Variants in NLRP14 observed in about 807,000 individuals in gnomAD.
NLRP14 encodes the protein NLR family pyrin domain containing 14.
In NLRP14, 105 loss-of-function variants were observed where a neutral mutation model predicts 94.7. That is an observed-to-expected ratio of 1.11 (90% CI 0.95 to 1.30). The LOEUF is 1.30. Ranked by LOEUF, NLRP14 falls within the 50% of genes most tolerant of loss-of-function variation. The pLI is 0.00. For synonymous variants in NLRP14, 508 were observed against 459.9 expected (o/e 1.10, Z -1.34); for missense variants, 1,362 against 1,254.1 (o/e 1.09, Z -1.30).
chr11:7,060,800 G>A lies in NLRP14; in HGVS notation c.2804+736G>A, dbSNP rs575299956. Among the ~76,000 whole-genome samples the A allele has an allele frequency of 4.5e-4, 68 of 151,972 alleles. No individual in the cohort carries two copies. The East Asian group carries it at 8.7e-3, about 19-fold the overall frequency. Reference sequence around the variant, plus strand: ...TGATTGCTTTATGGACATGATTTGGGGTTTCCTTTTCACTTGATAGTATTT... The same window carrying A: ...TGATTGCTTTATGGACATGATTTGGAGTTTCCTTTTCACTTGATAGTATTT... On this transcript the variant is annotated intron_variant, in intron 9 of 11. Transcript: ENST00000299481.
chr11:7,028,791 G>T (rs528466473), intron 1 of NLRP14, among the ~76,000 whole-genome samples: 1 of 151,956 alleles, frequency 6.6e-6, no homozygotes, highest in South Asian at 2.1e-4. Flanking sequence ...CATTAATGAG[G>T]TGCTGTTGAT....
At chr11:7,064,254 G>A (rs529864436) in intron 10 of NLRP14, among the ~76,000 whole-genome samples, 1 of 152,240 alleles carries the variant, frequency 6.6e-6, no homozygotes, top group African/African-American at 2.4e-5. Context: ...TCCACATTAG[G>A]AGGTTGCTAT....
At chr11:7,057,560 G>A in intron 6 of NLRP14, 117 bp from the exon 7 acceptor site, 1 of 988,732 alleles carries the variant, frequency 1.0e-6, no homozygotes. Context: ...AGAGAAGTTG[G>A]ATTTTTCAGG....
At chr11:7,057,901 C>G in intron 7 of NLRP14, 54 bp downstream of exon 7, 1 of 1,454,590 alleles carries the variant, frequency 6.9e-7, no homozygotes, top group Non-Finnish European at 9.7e-7. Context: ...TTCTGTGTAG[C>G]TTAATTGTGA....
chr11:7,073,614 G>A (rs1852833325), downstream of NLRP14, among the ~76,000 whole-genome samples: 1 of 152,178 alleles, frequency 6.6e-6, no homozygotes, highest in African/African-American at 2.4e-5. Flanking sequence ...CTGGCCATAA[G>A]TCAGGGTTCC....
At chr11:7,080,403 T>C in the NLRP14 span, among the ~76,000 whole-genome samples, 1 of 152,230 alleles carries the variant, frequency 6.6e-6, no homozygotes, top group Non-Finnish European at 1.5e-5. Flanking sequence ...GATTCAATAA[T>C]TCATTACAAC....
intron 10 of NLRP14, among the ~76,000 whole-genome samples, chr11:7,065,015 C>T (rs186607034): frequency 4.7e-4 from 72 of 152,076 alleles, no homozygotes; most frequent in South Asian, 2.5e-3. Flanking sequence ...AGCCCTGATA[C>T]GCACTACAGC....
intron 9 of NLRP14, among the ~76,000 whole-genome samples, chr11:7,061,366 G>A (rs756162014): frequency 1.6e-4 from 25 of 152,122 alleles, no homozygotes; most frequent in African/African-American, 5.5e-4. Flanking sequence ...AACTACAGAC[G>A]TATAATTTCT....
intron 6 of NLRP14, among the ~76,000 whole-genome samples, chr11:7,051,757 G>A (rs546049919): frequency 5.6e-4 from 85 of 152,228 alleles, no homozygotes; most frequent in Admixed American, 4.4e-3. Context: ...TGAGTAGCTG[G>A]GACTACAGGC....
downstream of NLRP14, among the ~76,000 whole-genome samples, chr11:7,073,679 A>G (rs562875395): frequency 9.8e-5 from 15 of 152,354 alleles, no homozygotes; most frequent in Admixed American, 3.9e-4. Flanking sequence ...CACAGAACTC[A>G]GGGAAGTACT....
At chr11:7,044,621 A>G (rs1165634399) in intron 4 of NLRP14, among the ~76,000 whole-genome samples, 5 of 152,178 alleles carry the variant, frequency 3.3e-5, no homozygotes, top group African/African-American at 1.2e-4. Flanking sequence ...TTTTACGTAC[A>G]TTATTCTACT....
intron 1 of NLRP14, among the ~76,000 whole-genome samples, chr11:7,029,005 G>A (rs1480786740): frequency 6.6e-6 from 1 of 152,072 alleles, no homozygotes. Context: ...TTGTATTTGT[G>A]TGTGTGACTG....
rs150937278 is a variant in NLRP14 at position 7,043,902 on chromosome 11, C to T, written c.1876C>T (p.Arg626Trp). ...LVSSFCLKHC[R>W]CLRTIRLSVT... ...ATCTTCTTTCTGCCTTAAGCACTGC[C>T]GGTGTTTGCGGACCATCAGGCTGTC... Residue 626 changes from arginine (R) to tryptophan (W), a missense_variant, in exon 4 of 12, where the codon CGG (arginine) becomes TGG (tryptophan). Arg to Trp is a moderately radical substitution (Grantham distance 101, BLOSUM62 -3). Coordinates refer to ENST00000299481, the MANE Select transcript of NLRP14 (RefSeq NM_176822.4). The T allele has an allele frequency of 1.9e-4, 308 of 1,614,026 alleles. 2 individuals carry two copies. The East Asian group carries it at 6.2e-3, about 32-fold the overall frequency.
intron 5 of NLRP14, among the ~76,000 whole-genome samples, chr11:7,047,213 A>C (rs77158310): frequency 1.3e-5 from 2 of 152,238 alleles, no homozygotes; most frequent in Non-Finnish European, 2.9e-5. Context: ...AATAATGTTC[A>C]GTTTGTTGTG....
Position 7,059,910 on chromosome 11 carries a change from T to A in NLRP14, c.2650T>A (p.Phe884Ile), listed in dbSNP as rs1852588079. 1 of 1,612,150 alleles carries A rather than the reference T, an allele frequency of 6.2e-7. No individual in the cohort carries two copies. Among genetic ancestry groups the A allele is most frequent in the African/African-American group, 1.3e-5 (1 of 74,828 alleles). The change falls in exon 9 of 12, where the codon TTC becomes ATC. Residue 884 changes from phenylalanine (F) to isoleucine (I), a missense_variant. By Grantham distance (21) the Phe-to-Ile change is conservative (BLOSUM62 0). Transcript: ENST00000299481. ...LKSLVLRRCH[F>I]TSLSSEYLST... Reference sequence around the variant, plus strand: ...TTCCTGTAGGCTGAGGCGTTGCCATTTCACTTCACTTAGCAGTGAATATCT... The same window carrying A: ...TTCCTGTAGGCTGAGGCGTTGCCATATCACTTCACTTAGCAGTGAATATCT...
chr11:7,042,330 A>C, intron 3 of NLRP14, 58 bp from the exon 4 acceptor site: 2 of 1,394,300 alleles, frequency 1.4e-6, no homozygotes, highest in South Asian at 1.2e-5. Flanking sequence ...ATTTCATAGA[A>C]TTTGTTTTGA....
intron 1 of NLRP14, among the ~76,000 whole-genome samples, chr11:7,030,512 C>A (rs1283954484): frequency 2.0e-5 from 3 of 151,976 alleles, no homozygotes; most frequent in Non-Finnish European, 4.4e-5. Flanking sequence ...AAATAGGACC[C>A]ACCCCCACTT....
At chr11:7,021,232 AG>A (rs1335728831) in intron 1 of NLRP14, among the ~76,000 whole-genome samples, 3 of 152,230 alleles carry the variant, frequency 2.0e-5, no homozygotes, top group African/African-American at 7.2e-5. Flanking sequence ...CAATAATAAT[AG>A]TAACTATGTA....
chr11:7,058,805 C>T (rs1852563496), intron 8 of NLRP14, among the ~76,000 whole-genome samples: 1 of 151,952 alleles, frequency 6.6e-6, no homozygotes, highest in Non-Finnish European at 1.5e-5. Flanking sequence ...CTATCCTAGT[C>T]TATGATCTGA....
Sources: gnomAD v4.1 joint callset for allele counts (sites outside exome capture counted in the v4.1 genomes callset) on GRCh38, gnomAD v4.1.1 for gene constraint, MANE v1.5 for transcripts, NCBI Gene and HGNC (gene_info 2026-07-23, HGNC 2026-07-21) for gene names.